The following ARHGAP40 variants were observed in gnomAD, a reference collection of about 807,000 sequenced individuals.
ARHGAP40 encodes the protein Rho GTPase activating protein 40.
In ARHGAP40, 43 loss-of-function variants were observed where a neutral mutation model predicts 73.5. That is an observed-to-expected ratio of 0.58 (90% CI 0.46 to 0.75). The LOEUF (loss-of-function observed/expected upper bound fraction) is 0.75, where lower values mean the gene tolerates loss of function less well. Ranked by LOEUF, ARHGAP40 falls within the 30% of genes least tolerant of loss-of-function variation. The probability of loss-of-function intolerance (pLI) is 0.00; values close to 1 mark genes in which losing one functional copy is unlikely to be tolerated. For synonymous variants in ARHGAP40, 300 were observed against 352.8 expected (o/e 0.85, Z 1.68); for missense variants, 734 against 861.8 (o/e 0.85, Z 1.86).
intron 1 of ARHGAP40, among the ~76,000 whole-genome samples, chr20:38,620,236 A>C (rs908361350): frequency 2.6e-5 from 4 of 152,184 alleles, no homozygotes; most frequent in African/African-American, 7.2e-5. Context: ...AAACAAACAA[A>C]ACATCAGCTA....
In ARHGAP40 at chr20:38,615,295, C is replaced by A; in HGVS notation, c.138-8064C>A. Reference sequence around the variant, plus strand: ...CTATGTTCATCCACTCCGGAGGGAGCAGTCGACATTTCTGCTTTTGTTTCA... The same window carrying A: ...CTATGTTCATCCACTCCGGAGGGAGAAGTCGACATTTCTGCTTTTGTTTCA... On this transcript the variant is annotated intron_variant, in intron 1 of 14. Coordinates refer to ENST00000373345, the Ensembl canonical transcript of ARHGAP40. The A allele has an allele frequency of 5.2e-6, 4 of 772,346 alleles. No homozygotes were observed. In the South Asian group the frequency reaches 5.5e-5, roughly 11 times the overall value. 47.8% of individuals were successfully genotyped at this position (772,346 alleles called of 1,614,324 possible). A position where few individuals can be genotyped will look rare whatever the true frequency, so the allele number is the denominator to read the frequency against.
rs774999449 is a variant in ARHGAP40 at position 38,649,872 on chromosome 20, C to G, written c.*24C>G. 9.3e-6 allele frequency: 12 copies of G among 1,291,404 alleles called. 1 individual carries two copies. The South Asian group carries it at 1.5e-4, about 16-fold the overall frequency. The allele number at this position is 1,291,404 out of a possible 1,614,324, so 80.0% of individuals were successfully genotyped here. ...AAACCCTGCGAGTCTCAGGAGCAGCCTGGATGCCTCCTCCTCTCCCCTGCT... is the reference window on the plus strand; with the variant it reads ...AAACCCTGCGAGTCTCAGGAGCAGCGTGGATGCCTCCTCCTCTCCCCTGCT... On this transcript the variant is annotated 3_prime_UTR_variant, in exon 15 of 15. Coordinates refer to ENST00000373345, the Ensembl canonical transcript of ARHGAP40.
Position 38,643,926 on chromosome 20 carries a change from C to A in ARHGAP40, c.1569+16C>A. On this transcript the variant is annotated intron_variant, in intron 11 of 14. Transcript: ENST00000373345. ...GCTGTGGACGGTGAGTGCTGCTGGG[C>A]GCTGGGTATCCCTCTGGGTGCAGCT... 1 of 1,283,050 alleles carries A rather than the reference C, an allele frequency of 7.8e-7. No homozygotes were observed. Among genetic ancestry groups the A allele is most frequent in the Middle Eastern group, 2.5e-4 (1 of 3,924 alleles). 79.5% of individuals were successfully genotyped at this position (1,283,050 alleles called of 1,614,324 possible). A position where few individuals can be genotyped will look rare whatever the true frequency, so the allele number is the denominator to read the frequency against.
In ARHGAP40 at chr20:38,639,211, C is replaced by T; in HGVS notation, c.1120-16C>T. 3 of 1,304,478 alleles carry T rather than the reference C, an allele frequency of 2.3e-6. No homozygotes were observed. The highest frequency in any genetic ancestry group is 3.0e-6 in the Non-Finnish European group (3 of 988,146). The allele number at this position is 1,304,478 out of a possible 1,614,324, so 80.8% of individuals were successfully genotyped here. On this transcript the variant is annotated splice_polypyrimidine_tract_variant and intron_variant, in intron 8 of 14. Coordinates refer to ENST00000373345, the Ensembl canonical transcript of ARHGAP40. ...GCCCTGGGCCAACTGTGTTTTCATG[C>T]CCCGCCTTCCTGTAGGGGCTGGAAC...
chr20:38,642,752 C>T (rs2089027304), intron 10 of ARHGAP40, among the ~76,000 whole-genome samples: 2 of 152,094 alleles, frequency 1.3e-5, no homozygotes, highest in South Asian at 2.1e-4. Context: ...ATCCCTCCCT[C>T]CCTTCTTCAC....
At chr20:38,645,080 A>C (rs1292309067) in intron 11 of ARHGAP40, among the ~76,000 whole-genome samples, 1 of 151,840 alleles carries the variant, frequency 6.6e-6, no homozygotes, top group East Asian at 1.9e-4. Context: ...CTGGCACTCC[A>C]AACTCATCTA....
intron 1 of ARHGAP40, among the ~76,000 whole-genome samples, chr20:38,610,899 T>C (rs2088800858): frequency 6.7e-6 from 1 of 149,944 alleles, no homozygotes; most frequent in African/African-American, 2.4e-5. Flanking sequence ...TTTTTTCTTT[T>C]TTTTTTTTTT....
At chr20:38,615,477 G>C in intron 1 of ARHGAP40, 1 of 682,454 alleles carries the variant, frequency 1.5e-6, no homozygotes, top group East Asian at 3.0e-5. Context: ...CCACGTCCAT[G>C]GCGGCGCGAG....
exon 3 of ARHGAP40, chr20:38,627,013 A>C: frequency 7.7e-7 from 1 of 1,304,436 alleles, no homozygotes; most frequent in Non-Finnish European, 1.0e-6. Flanking sequence ...GCTGAATCCC[A>C]GTGGCTGCAG....
chr20:38,611,052 G>T (rs1050462641), intron 1 of ARHGAP40, among the ~76,000 whole-genome samples: 1 of 151,966 alleles, frequency 6.6e-6, no homozygotes, highest in Non-Finnish European at 1.5e-5. Flanking sequence ...ACCACACCTG[G>T]ATAATTTTTG....
At chr20:38,645,502 T>A (rs1009688116) in intron 11 of ARHGAP40, among the ~76,000 whole-genome samples, 1 of 152,134 alleles carries the variant, frequency 6.6e-6, no homozygotes, top group Non-Finnish European at 1.5e-5. Context: ...AGCACACACA[T>A]AGCAGCAAAA....
At position 38,646,571 on chromosome 20, in the gene ARHGAP40, G is replaced by A. The variant is rs1436085242; in HGVS notation, c.1710+384G>A. ...AAAATACTGAGTATTCCTAGGAGGG[G>A]TCCTGAACACGGTTCCTTATTAAAG... is the stretch of plus-strand genomic sequence containing the variant. On this transcript the variant is annotated intron_variant, in intron 12 of 14. Coordinates refer to ENST00000373345, the Ensembl canonical transcript of ARHGAP40. The surrounding 1 kb of genome is among the most constrained non-coding windows in gnomAD (Gnocchi z 4.5). Among the ~76,000 whole-genome samples the A allele has an allele frequency of 2.0e-5, 3 of 152,198 alleles. No homozygotes were observed. Among genetic ancestry groups the A allele is most frequent in the Non-Finnish European group, 4.4e-5 (3 of 68,036 alleles).
intron 1 of ARHGAP40, among the ~76,000 whole-genome samples, chr20:38,603,413 CT>C (rs1361626092): frequency 3.3e-4 from 21 of 63,882 alleles, no homozygotes; most frequent in African/African-American, 1.7e-3. Flanking sequence ...ATCTGTCTAT[CT>C]ATCTATCTAT....
At chr20:38,642,364 G>C (rs913698806) in intron 10 of ARHGAP40, among the ~76,000 whole-genome samples, 1 of 152,194 alleles carries the variant, frequency 6.6e-6, no homozygotes, top group African/African-American at 2.4e-5. Context: ...CTGTCCTTCA[G>C]TCAGACTCAA....
intron 5 of ARHGAP40, among the ~76,000 whole-genome samples, chr20:38,631,953 A>T (rs2088942076): frequency 2.6e-5 from 4 of 152,036 alleles, no homozygotes. Context: ...ATTTATATTT[A>T]TTTATTTATT....
intron 1 of ARHGAP40, among the ~76,000 whole-genome samples, chr20:38,616,162 G>A (rs559806675): frequency 1.2e-4 from 18 of 152,258 alleles, no homozygotes; most frequent in African/African-American, 3.9e-4. Context: ...CCCTGATGGT[G>A]GCTAGCTCTC....
At chr20:38,623,671 C>A in intron 2 of ARHGAP40, 113 bp downstream of exon 2, 1 of 884,604 alleles carries the variant, frequency 1.1e-6, no homozygotes, top group South Asian at 1.7e-5. Context: ...TCTCTGTTGC[C>A]TGGACTGGTG....
At chr20:38,607,379 C>T (rs1601131590) in intron 1 of ARHGAP40, among the ~76,000 whole-genome samples, 1 of 152,194 alleles carries the variant, frequency 6.6e-6, no homozygotes, top group African/African-American at 2.4e-5. Flanking sequence ...ACCTCAGATC[C>T]GCAGCTCAGG....
rs113252750 is a variant in ARHGAP40, at chr20:38,631,787, T to C, written c.783+2137T>C. Among the ~76,000 whole-genome samples, 1,319 of 152,220 alleles carry C rather than the reference T, an allele frequency of 8.7e-3. 10 individuals are homozygous for C. The highest frequency in any genetic ancestry group is 0.015 in the Non-Finnish European group (988 of 67,998). On this transcript the variant is annotated intron_variant, in intron 5 of 14. Coordinates refer to ENST00000373345, the Ensembl canonical transcript of ARHGAP40. ...TGCTTAGGAAACCAACCCCACCCCCTGCAGTAGCCTCTATTCCAATGTGAG... is the reference window on the plus strand; with the variant it reads ...TGCTTAGGAAACCAACCCCACCCCCCGCAGTAGCCTCTATTCCAATGTGAG...
Sources: allele counts gnomAD v4.1 joint callset (sites outside exome capture counted in the v4.1 genomes callset), GRCh38; gene constraint gnomAD v4.1.1; non-coding constraint Gnocchi (gnomAD v3.1); transcripts MANE v1.5; gene names NCBI Gene and HGNC (gene_info 2026-07-23, HGNC 2026-07-21).